Variants in ARHGAP35 observed in about 807,000 individuals in gnomAD.
ARHGAP35 encodes the protein Rho GTPase activating protein 35.
ARHGAP35 carries 15 observed loss-of-function variants against 111.1 expected under a neutral mutation model. The observed-to-expected ratio is 0.13, with a 90% CI of 0.09 to 0.21. The LOEUF (loss-of-function observed/expected upper bound fraction) is 0.21, where lower values mean the gene tolerates loss of function less well. Among genes scored for constraint, ARHGAP35 ranks in the 10% least tolerant of loss-of-function variants. The pLI, the probability that ARHGAP35 is intolerant of heterozygous loss-of-function variation, is 1.00. For missense variants in ARHGAP35, 1,262 were observed against 1,873.0 expected (o/e 0.67, Z 6.02); for synonymous variants, 643 against 710.3 (o/e 0.91, Z 1.51).
At chr19:46,944,355 T>C (rs2122236364) in intron 3 of ARHGAP35, among the ~76,000 whole-genome samples, 1 of 151,792 alleles carries the variant, frequency 6.6e-6, no homozygotes, top group South Asian at 2.1e-4. Flanking sequence ...TTAATCATTA[T>C]AGATATGTAG....
Position 46,919,855 on chromosome 19 carries a change from A to T in ARHGAP35, c.1180A>T (p.Ile394Phe), listed in dbSNP as rs1465231265. 1.9e-6 allele frequency: 3 copies of T among 1,613,964 alleles called. No homozygotes were observed. Among genetic ancestry groups the T allele is most frequent in the Non-Finnish European group, 2.5e-6 (3 of 1,179,910 alleles). Residue 394 changes from isoleucine (I) to phenylalanine (F), a missense_variant, in exon 2 of 7, where the codon ATT becomes TTT. Ile to Phe is a conservative substitution (Grantham distance 21, BLOSUM62 0). Coordinates refer to ENST00000672722, the MANE Select transcript of ARHGAP35 (RefSeq NM_004491.5). The surrounding 1 kb of genome is among the most constrained non-coding windows in gnomAD (Gnocchi z 6.2). ...GACCCCATGGGATGCCACCAGTCAC[A>T]TTGACAACATGGAAAACGAACGGAT... ...EETPWDATSH[I>F]DNMENERIPF...
chr19:46,936,929 T>C (rs2056312113), intron 2 of ARHGAP35, among the ~76,000 whole-genome samples: 1 of 146,266 alleles, frequency 6.8e-6, no homozygotes, highest in Non-Finnish European at 1.5e-5. Flanking sequence ...AATCTCCACC[T>C]CCTGGGTTCA....
At chr19:46,916,117 G>T (rs976027115) in intron 1 of ARHGAP35, among the ~76,000 whole-genome samples, 1 of 151,894 alleles carries the variant, frequency 6.6e-6, no homozygotes, top group African/African-American at 2.4e-5. Context: ...TGTACTTTCA[G>T]TGGAGACGGG....
chr19:46,912,046 T>C (rs986302304), intron 1 of ARHGAP35, among the ~76,000 whole-genome samples: 14 of 140,122 alleles, frequency 1.0e-4, no homozygotes, highest in Middle Eastern at 3.8e-3. Flanking sequence ...CCTTCTTTTC[T>C]TTTTTTTTTT....
intron 3 of ARHGAP35, among the ~76,000 whole-genome samples, chr19:46,957,450 C>CA (rs1013173375): frequency 3.3e-5 from 5 of 151,672 alleles, no homozygotes; most frequent in African/African-American, 1.2e-4. Context: ...CCTGCCTGTA[C>CA]AAAAAATAAA....
chr19:46,935,942 TC>T (rs1298245508), intron 2 of ARHGAP35, among the ~76,000 whole-genome samples: 6 of 152,216 alleles, frequency 3.9e-5, no homozygotes, highest in Non-Finnish European at 7.3e-5. Flanking sequence ...AGACAAACCT[TC>T]CTGGATTTGA....
In ARHGAP35 at chr19:46,904,229, G is replaced by A. The variant is rs181704140; in HGVS notation, c.-188-14259G>A. Among the ~76,000 whole-genome samples the A allele has an allele frequency of 3.9e-5, 6 of 152,312 alleles. No individual in the cohort carries two copies. The East Asian group carries it at 1.2e-3, about 29-fold the overall frequency. ...CCTTCCCCTCTCCCCTTCAGCTTCCGCATCTGTGACGTGAGGGAGCTGGCT... is the reference window on the plus strand; with the variant it reads ...CCTTCCCCTCTCCCCTTCAGCTTCCACATCTGTGACGTGAGGGAGCTGGCT... On this transcript the variant is annotated intron_variant, in intron 1 of 6. Coordinates refer to ENST00000672722, the MANE Select transcript of ARHGAP35 (RefSeq NM_004491.5).
At chr19:46,991,540 C>T (rs915106557) in intron 5 of ARHGAP35, among the ~76,000 whole-genome samples, 2 of 152,240 alleles carry the variant, frequency 1.3e-5, no homozygotes, top group South Asian at 4.1e-4. Context: ...CTGCAGCAGC[C>T]TGGGAAAGGG....
At chr19:46,917,681 T>C (rs2056172141) in intron 1 of ARHGAP35, among the ~76,000 whole-genome samples, 1 of 152,190 alleles carries the variant, frequency 6.6e-6, no homozygotes. Context: ...TATCCATTCA[T>C]GAGTAGGTGG....
Position 46,919,136 on chromosome 19 carries a change from A to G in ARHGAP35, c.461A>G (p.Lys154Arg). ...DFEQKQMPDG[K>R]LLVDGFLLGI... Reference sequence around the variant, plus strand: ...GAGCAGAAACAAATGCCAGACGGAAAGCTGCTGGTTGATGGTTTTCTTCTT... The same window carrying G: ...GAGCAGAAACAAATGCCAGACGGAAGGCTGCTGGTTGATGGTTTTCTTCTT... Residue 154 changes from lysine (K) to arginine (R), a missense_variant, in exon 2 of 7, where the codon AAG (lysine) becomes AGG (arginine). Coordinates refer to ENST00000672722, the MANE Select transcript of ARHGAP35 (RefSeq NM_004491.5). This position sits in a 1 kb window ranked among gnomAD's most constrained non-coding sequence, Gnocchi z 6.2. 1 of 1,614,016 alleles carries G rather than the reference A, an allele frequency of 6.2e-7. No individual in the cohort carries two copies. The highest frequency in any genetic ancestry group is 8.5e-7 in the Non-Finnish European group (1 of 1,179,890).
chr19:46,870,499 A>G (rs1280800915), intron 1 of ARHGAP35, among the ~76,000 whole-genome samples: 1 of 151,886 alleles, frequency 6.6e-6, no homozygotes, highest in Non-Finnish European at 1.5e-5. Flanking sequence ...GAATGGCGTG[A>G]ACCCAGGAGG....
intron 3 of ARHGAP35, among the ~76,000 whole-genome samples, chr19:46,975,634 C>A (rs1304017411): frequency 6.8e-6 from 1 of 147,970 alleles, no homozygotes; most frequent in Non-Finnish European, 1.5e-5. Context: ...CCGTTCACAG[C>A]CCATCAGAAT....
At position 47,000,924 on chromosome 19, in the gene ARHGAP35, G is replaced by C. The variant is rs556105227; in HGVS notation, c.*236G>C. On this transcript the variant is annotated 3_prime_UTR_variant, in exon 7 of 7. Coordinates refer to ENST00000672722, the MANE Select transcript of ARHGAP35 (RefSeq NM_004491.5). The surrounding 1 kb of genome is among the most constrained non-coding windows in gnomAD (Gnocchi z 6.9). ...TTGGACCCATTTGAGGACTGAACTAGGCAGGCAATGGCTCCAGTGCCCTCC... is the reference window on the plus strand; with the variant it reads ...TTGGACCCATTTGAGGACTGAACTACGCAGGCAATGGCTCCAGTGCCCTCC... 1.1e-4 allele frequency: 163 copies of C among 1,528,606 alleles called. 1 individual carries two copies. The South Asian group carries it at 1.8e-3, about 17-fold the overall frequency. The allele number at this position is 1,528,606 out of a possible 1,614,324, so 94.7% of individuals were successfully genotyped here.
At chr19:46,937,431 G>T (rs375487499) in intron 3 of ARHGAP35, 23 bp downstream of exon 3, 1 of 1,612,396 alleles carries the variant, frequency 6.2e-7, no homozygotes, top group African/African-American at 1.3e-5. Context: ...CCTCATAGCA[G>T]TTTATAACTT....
chr19:46,934,856 A>G (rs1031403230), intron 2 of ARHGAP35, among the ~76,000 whole-genome samples: 3 of 151,466 alleles, frequency 2.0e-5, no homozygotes, highest in Non-Finnish European at 4.4e-5. Context: ...TATTTTTTGT[A>G]GAGATGGGGT....
intron 1 of ARHGAP35, among the ~76,000 whole-genome samples, chr19:46,862,608 C>T (rs2055834860): frequency 2.0e-5 from 3 of 152,102 alleles, no homozygotes; most frequent in Non-Finnish European, 4.4e-5. Flanking sequence ...CTGCTCCATC[C>T]TCTTTATTTA....
intron 3 of ARHGAP35, among the ~76,000 whole-genome samples, chr19:46,975,760 T>G (rs1447221797): frequency 6.6e-6 from 1 of 152,078 alleles, no homozygotes; most frequent in African/African-American, 2.4e-5. Flanking sequence ...ACCTTCCCAC[T>G]TGGAAAACAG....
In ARHGAP35 at chr19:46,989,367, T is replaced by C. The variant is rs1022044062; in HGVS notation, c.3905-177T>C. On this transcript the variant is annotated intron_variant, in intron 4 of 6. Coordinates refer to ENST00000672722, the MANE Select transcript of ARHGAP35 (RefSeq NM_004491.5). This position sits in a 1 kb window ranked among gnomAD's most constrained non-coding sequence, Gnocchi z 5.3. Reference sequence around the variant, plus strand: ...GGAAAGAGGTGCTGGGGCCAGCCCATGCCTGAACCTCAGAACTCGCGTTAG... The same window carrying C: ...GGAAAGAGGTGCTGGGGCCAGCCCACGCCTGAACCTCAGAACTCGCGTTAG... 8 of 729,076 alleles carry C rather than the reference T, an allele frequency of 1.1e-5. No homozygotes were observed. The highest frequency in any genetic ancestry group is 1.1e-4 in the African/African-American group (6 of 56,098). The allele number at this position is 729,076 out of a possible 1,614,324, so 45.2% of individuals were successfully genotyped here.
At chr19:46,871,768 C>A (rs988967648) in intron 1 of ARHGAP35, among the ~76,000 whole-genome samples, 10 of 151,804 alleles carry the variant, frequency 6.6e-5, no homozygotes, top group Non-Finnish European at 1.2e-4. Flanking sequence ...CACTTGAGGT[C>A]GGGAGTTCGA....
Sources: gnomAD v4.1 joint callset for allele counts (sites outside exome capture counted in the v4.1 genomes callset) on GRCh38, gnomAD v4.1.1 for gene constraint, Gnocchi (gnomAD v3.1) non-coding constraint, MANE v1.5 for transcripts, NCBI Gene and HGNC (gene_info 2026-07-23, HGNC 2026-07-21) for gene names.